The following ARL5B variants were observed in gnomAD, a reference collection of about 807,000 sequenced individuals.
ARL5B encodes ADP-ribosylation factor-like protein 5B.
In ARL5B, 10 loss-of-function variants were observed where a neutral mutation model predicts 26.9. The ratio of observed to expected loss-of-function variants is 0.37; its 90% confidence interval spans 0.23 to 0.63. The LOEUF (loss-of-function observed/expected upper bound fraction) is 0.63. Ranked by LOEUF, ARL5B falls within the 30% of genes least tolerant of loss-of-function variation. The pLI, the probability that ARL5B is intolerant of heterozygous loss-of-function variation, is 0.62. For missense variants in ARL5B, 167 were observed against 213.9 expected, an observed-to-expected ratio of 0.78 and a Z score of 1.37; for synonymous variants, 87 against 70.4, an observed-to-expected ratio of 1.24 and a Z score of -1.18.
chr10:18,671,224 G>T (rs2059885638), intron 3 of ARL5B, among the ~76,000 whole-genome samples: 1 of 151,902 alleles, frequency 6.6e-6, no homozygotes, highest in African/African-American at 2.4e-5. Context: ...TGGAGTCTCA[G>T]TCTGTCACCC....
In ARL5B at chr10:18,673,054, T is replaced by TTTTTTG. The variant is rs754780922; in HGVS notation, c.339+367_339+372dup. 8.6e-5 allele frequency among the ~76,000 whole-genome samples: 13 copies of TTTTTTG among 151,860 alleles called. No individual in the cohort carries two copies. The South Asian group carries it at 1.7e-3, about 19-fold the overall frequency. On this transcript the variant is annotated intron_variant, in intron 4 of 5. Coordinates refer to ENST00000377275, the MANE Select transcript of ARL5B (RefSeq NM_178815.5). ...CAATAACTGAAAGGTTTTTTTTTTG[T>TTTTTTG]TTTTTGTTTTTGTTTTTGTTTTTTT...
chr10:18,659,874 TAGGG>T (rs1316185086), intron 1 of ARL5B, 191 bp downstream of exon 1: 7 of 984,698 alleles, frequency 7.1e-6, no homozygotes, highest in East Asian at 1.1e-4. Flanking sequence ...GTGGGAGAAA[TAGGG>T]AGGCAGAAGA....
chr10:18,667,850 G>A (rs1425436756), intron 2 of ARL5B, among the ~76,000 whole-genome samples: 1 of 151,968 alleles, frequency 6.6e-6, no homozygotes, highest in African/African-American at 2.4e-5. Context: ...GAGTAGCTGG[G>A]ATTACAAGCG....
chr10:18,664,409 A>G (rs2059851298), intron 1 of ARL5B, among the ~76,000 whole-genome samples: 1 of 144,842 alleles, frequency 6.9e-6, no homozygotes, highest in South Asian at 2.2e-4. Flanking sequence ...ATTTACTGTA[A>G]CTGATAGTAA....
At position 18,676,979 on chromosome 10, in the gene ARL5B, A is replaced by G. The variant is rs373894269; in HGVS notation, c.*1763A>G. On this transcript the variant is annotated 3_prime_UTR_variant, in exon 6 of 6. Transcript: ENST00000377275. ...TTTAACTTAGTTTTTAATATAACCC[A>G]TAATCAAGAACATGAGCGAAAAGCA... is the stretch of plus-strand genomic sequence containing the variant. The G allele has an allele frequency of 2.0e-5, 3 of 152,468 alleles. No homozygotes were observed. In the East Asian group the frequency reaches 5.8e-4, roughly 29 times the overall value. 9.4% of individuals were successfully genotyped at this position (152,468 alleles called of 1,614,324 possible). A position where few individuals can be genotyped will look rare whatever the true frequency, so the allele number is the denominator to read the frequency against.
In ARL5B at chr10:18,675,290, A is replaced by C; in HGVS notation, c.*74A>C. 1 of 1,404,204 alleles carries C rather than the reference A, an allele frequency of 7.1e-7. No individual in the cohort carries two copies. The highest frequency in any genetic ancestry group is 1.0e-6 in the Non-Finnish European group (1 of 991,060). The allele number at this position is 1,404,204 out of a possible 1,614,324, so 87.0% of individuals were successfully genotyped here. On this transcript the variant is annotated 3_prime_UTR_variant, in exon 6 of 6. Coordinates refer to ENST00000377275, the MANE Select transcript of ARL5B (RefSeq NM_178815.5). ...TTTTTCCTAGTACCTTTGGCTGCTAAGGCAGCAGCATGTTTAATTTATAAC... is the reference window on the plus strand; with the variant it reads ...TTTTTCCTAGTACCTTTGGCTGCTACGGCAGCAGCATGTTTAATTTATAAC...
Position 18,680,169 on chromosome 10 carries a change from A to G in ARL5B, c.*4953A>G, listed in dbSNP as rs1298177952. 6.6e-6 allele frequency: 1 copy of G among 152,072 alleles called. No homozygotes were observed. The highest frequency in any genetic ancestry group is 2.4e-5 in the African/African-American group (1 of 41,440). 9.4% of individuals were successfully genotyped at this position (152,072 alleles called of 1,614,324 possible). On this transcript the variant is annotated 3_prime_UTR_variant, in exon 6 of 6. Transcript: ENST00000377275. ...AAAAAATTACCTCATTTTTCAATCC[A>G]TAAGGTGCTTTGCTCAAGTTTGTGG...
intron 1 of ARL5B, among the ~76,000 whole-genome samples, chr10:18,663,408 C>T (rs1418626610): frequency 6.6e-6 from 1 of 152,170 alleles, no homozygotes; most frequent in Non-Finnish European, 1.5e-5. Context: ...ATAATTTAAT[C>T]ATTTCTTTCC....
In ARL5B at chr10:18,675,380, T is replaced by TCTTAA. The variant is rs1197814736; in HGVS notation, c.*168_*172dup. ...CTGAACTGGAACATAAAAGATTTTT[T>TCTTAA]CTTAACTTTTTTTTTTTAACACACT... On this transcript the variant is annotated 3_prime_UTR_variant, in exon 6 of 6. Coordinates refer to ENST00000377275, the MANE Select transcript of ARL5B (RefSeq NM_178815.5). 1.6e-6 allele frequency: 1 copy of TCTTAA among 631,738 alleles called. No individual in the cohort carries two copies. Among genetic ancestry groups the TCTTAA allele is most frequent in the Admixed American group, 3.0e-5 (1 of 32,824 alleles). The allele number at this position is 631,738 out of a possible 1,614,324, so 39.1% of individuals were successfully genotyped here.
At chr10:18,661,984 A>G (rs1256157204) in intron 1 of ARL5B, among the ~76,000 whole-genome samples, 1 of 152,230 alleles carries the variant, frequency 6.6e-6, no homozygotes, top group Non-Finnish European at 1.5e-5. Context: ...TGACTAAGAC[A>G]TTAAACTCTC....
intron 2 of ARL5B, 116 bp from the exon 3 acceptor site, chr10:18,668,414 G>T: frequency 9.6e-7 from 1 of 1,043,530 alleles, no homozygotes; most frequent in African/African-American, 1.6e-5. Context: ...TAATTTTCAT[G>T]CTAATGATCA....
rs2059919572 is a variant in ARL5B at position 18,678,522 on chromosome 10, G to A, written c.*3306G>A. 6.6e-6 allele frequency: 1 copy of A among 151,714 alleles called. No individual in the cohort carries two copies. Among genetic ancestry groups the A allele is most frequent in the South Asian group, 2.1e-4 (1 of 4,818 alleles). The allele number at this position is 151,714 out of a possible 1,614,324, so 9.4% of individuals were successfully genotyped here. On this transcript the variant is annotated 3_prime_UTR_variant, in exon 6 of 6. Coordinates refer to ENST00000377275, the MANE Select transcript of ARL5B (RefSeq NM_178815.5). ...AAAATCTTTTTAGTGTAGTTTCTTA[G>A]AACAAATTATAAACATAATCATTCT...
In ARL5B at chr10:18,681,629, C is replaced by CT. The variant is rs2059932576; in HGVS notation, c.*6417dup. The CT allele has an allele frequency of 6.6e-6, 1 of 152,102 alleles. No homozygotes were observed. Among genetic ancestry groups the CT allele is most frequent in the Non-Finnish European group, 1.5e-5 (1 of 68,010 alleles). The allele number at this position is 152,102 out of a possible 1,614,324, so 9.4% of individuals were successfully genotyped here. On this transcript the variant is annotated 3_prime_UTR_variant, in exon 6 of 6. Coordinates refer to ENST00000377275, the MANE Select transcript of ARL5B (RefSeq NM_178815.5). ...TTATTTTTGTCATAATAAATAATTA[C>CT]TTTTCCAATACGAAGTGAATCCAGT...
chr10:18,679,257 T>A lies in ARL5B; in HGVS notation c.*4041T>A, dbSNP rs1373943604. 1 of 151,910 alleles carries A rather than the reference T, an allele frequency of 6.6e-6. No individual in the cohort carries two copies. Among genetic ancestry groups the A allele is most frequent in the Non-Finnish European group, 1.5e-5 (1 of 67,834 alleles). 9.4% of individuals were successfully genotyped at this position (151,910 alleles called of 1,614,324 possible). A position where few individuals can be genotyped will look rare whatever the true frequency, so the allele number is the denominator to read the frequency against. On this transcript the variant is annotated 3_prime_UTR_variant, in exon 6 of 6. Coordinates refer to ENST00000377275, the MANE Select transcript of ARL5B (RefSeq NM_178815.5). Reference sequence around the variant, plus strand: ...AGAACCAGCCTGTGTTGGAAATAATTCTCTTCTAGATAATTTACCTTATTT... The same window carrying A: ...AGAACCAGCCTGTGTTGGAAATAATACTCTTCTAGATAATTTACCTTATTT...
intron 2 of ARL5B, 139 bp downstream of exon 2, chr10:18,666,774 A>G: frequency 4.7e-6 from 3 of 641,020 alleles, no homozygotes; most frequent in Non-Finnish European, 5.0e-6. Flanking sequence ...ATTTTACCGA[A>G]CACAATCTAT....
At chr10:18,664,242 A>G (rs552565059) in intron 1 of ARL5B, among the ~76,000 whole-genome samples, 3 of 152,134 alleles carry the variant, frequency 2.0e-5, no homozygotes, top group African/African-American at 4.8e-5. Context: ...GTGAGCCACC[A>G]TGCCTGACCT....
chr10:18,673,392 AAT>A (rs2059896631), intron 4 of ARL5B, among the ~76,000 whole-genome samples: 1 of 152,030 alleles, frequency 6.6e-6, no homozygotes. Flanking sequence ...TATACTATAT[AAT>A]ATATATCTTT....
intron 1 of ARL5B, among the ~76,000 whole-genome samples, chr10:18,662,321 T>G (rs2059840608): frequency 6.6e-6 from 1 of 152,212 alleles, no homozygotes; most frequent in South Asian, 2.1e-4. Flanking sequence ...TCTCATCCTT[T>G]TTTTTCCTGT....
At position 18,673,480 on chromosome 10, in the gene ARL5B, C is replaced by G. The variant is rs75531914; in HGVS notation, c.340-504C>G. Among the ~76,000 whole-genome samples, 990 of 152,242 alleles carry G rather than the reference C, an allele frequency of 6.5e-3. 26 individuals are homozygous for G. The highest frequency in any genetic ancestry group is 0.052 in the Admixed American group (801 of 15,284). On this transcript the variant is annotated intron_variant, in intron 4 of 5. Coordinates refer to ENST00000377275, the MANE Select transcript of ARL5B (RefSeq NM_178815.5). ...TTCTGATTATCCATCTTAATATGTACTGCTTTCGTTCATTCCTTTTAACAA... is the reference window on the plus strand; with the variant it reads ...TTCTGATTATCCATCTTAATATGTAGTGCTTTCGTTCATTCCTTTTAACAA...
Sources: gnomAD v4.1 joint callset for allele counts (sites outside exome capture counted in the v4.1 genomes callset) on GRCh38, gnomAD v4.1.1 for gene constraint, MANE v1.5 for transcripts, NCBI Gene and HGNC (gene_info 2026-07-23, HGNC 2026-07-21) for gene names.